EDNRA: variants seen among roughly 807,000 people sequenced by gnomAD.
EDNRA encodes endothelin receptor type A, also known as endothelin-1 receptor.
A neutral mutation model predicts 41.4 loss-of-function variants in EDNRA; 11 were observed. The observed-to-expected ratio is 0.27, with a 90% CI of 0.17 to 0.44. The LOEUF (loss-of-function observed/expected upper bound fraction) is 0.44, where lower values mean the gene tolerates loss of function less well. Among genes scored for constraint, EDNRA ranks in the 20% least tolerant of loss-of-function variants. The pLI, the probability that EDNRA is intolerant of heterozygous loss-of-function variation, is 1.00. For synonymous variants in EDNRA, 172 were observed against 183.0 expected (o/e 0.94, Z 0.49); for missense variants, 294 against 531.0 (o/e 0.55, Z 4.39).
At chr4:147,510,653 A>G (rs1016109332) in intron 2 of EDNRA, among the ~76,000 whole-genome samples, 5 of 152,204 alleles carry the variant, frequency 3.3e-5, no homozygotes, top group African/African-American at 4.8e-5. Context: ...CAAATTTACT[A>G]TACATTTTAG....
chr4:147,491,615 T>C (rs1166893287), intron 2 of EDNRA: 1 of 152,120 alleles, frequency 6.6e-6, no homozygotes, highest in African/African-American at 2.4e-5. Context: ...AAAGGGATTC[T>C]TCATTTATAG....
At chr4:147,499,403 T>C (rs559912977) in intron 2 of EDNRA, among the ~76,000 whole-genome samples, 2 of 152,310 alleles carry the variant, frequency 1.3e-5, no homozygotes, top group South Asian at 2.1e-4. Context: ...GAAGGGACCA[T>C]TTCATGGTAT....
At chr4:147,489,453 TA>T (rs1229898739) in intron 2 of EDNRA, 3 of 152,216 alleles carry the variant, frequency 2.0e-5, no homozygotes, top group Non-Finnish European at 4.4e-5. Context: ...AAGACTGTAA[TA>T]ATGTTACAAG....
At chr4:147,542,448 GC>G in intron 7 of EDNRA, 29 bp from the exon 8 acceptor site, 1 of 1,613,440 alleles carries the variant, frequency 6.2e-7, no homozygotes, top group Non-Finnish European at 8.5e-7. Flanking sequence ...TGGTAGGCTC[GC>G]CTTACTTCGA....
chr4:147,522,526 G>A (rs1202035663), intron 3 of EDNRA, among the ~76,000 whole-genome samples: 3 of 151,756 alleles, frequency 2.0e-5, no homozygotes, highest in Non-Finnish European at 4.4e-5. Context: ...GCTGGGGGAT[G>A]GAGTGAGACT....
At chr4:147,533,788 G>A (rs1164749678) in intron 4 of EDNRA, among the ~76,000 whole-genome samples, 1 of 152,128 alleles carries the variant, frequency 6.6e-6, no homozygotes, top group Non-Finnish European at 1.5e-5. Flanking sequence ...CTATAAGAAG[G>A]AGCTTACTAA....
At chr4:147,531,168 A>G (rs1172504454) in intron 3 of EDNRA, among the ~76,000 whole-genome samples, 2 of 152,240 alleles carry the variant, frequency 1.3e-5, no homozygotes, top group African/African-American at 4.8e-5. Context: ...TCTTATTATC[A>G]GACAGTTTTT....
chr4:147,488,743 A>G (rs1481803049), intron 2 of EDNRA: 2 of 152,214 alleles, frequency 1.3e-5, no homozygotes, highest in African/African-American at 2.4e-5. Context: ...GAGATCATAC[A>G]TGTTGCTATT....
rs1305097442 is a variant in EDNRA, at chr4:147,503,903, C to CAT, written c.421-15946_421-15945dup. ...AAAAATATTTATTAATTTTCATGAA[C>CAT]ATAACCCCATTAAATGTTAACATAA... On this transcript the variant is annotated intron_variant, in intron 2 of 7. Transcript: ENST00000651419. Among the ~76,000 whole-genome samples the CAT allele has an allele frequency of 3.9e-5, 6 of 151,942 alleles. No homozygotes were observed. The East Asian group carries it at 9.6e-4, about 24-fold the overall frequency.
intron 2 of EDNRA, among the ~76,000 whole-genome samples, chr4:147,497,363 T>C (rs1335041646): frequency 6.6e-6 from 1 of 151,940 alleles, no homozygotes; most frequent in East Asian, 1.9e-4. Context: ...TGGTCCATGA[T>C]AATTATTTGC....
At position 147,539,805 on chromosome 4, in the gene EDNRA, AC is replaced by A; in HGVS notation, c.901-11del. 3.7e-6 allele frequency: 6 copies of A among 1,600,048 alleles called. No homozygotes were observed. Among genetic ancestry groups the A allele is most frequent in the Non-Finnish European group, 4.2e-6 (5 of 1,176,616 alleles). Reference sequence around the variant, plus strand: ...AAATTTGTTGTCCTATTTTTTTCTCACTTTCCTTTAGCGTCGAGAAGTGGCA... The same window carrying A: ...AAATTTGTTGTCCTATTTTTTTCTCATTTCCTTTAGCGTCGAGAAGTGGCA... On this transcript the variant is annotated splice_polypyrimidine_tract_variant and intron_variant, in intron 5 of 7. Transcript: ENST00000651419.
chr4:147,507,866 CGTGGTGGTTTTAACTAGCA>C (rs889406158), intron 2 of EDNRA, among the ~76,000 whole-genome samples: 2 of 152,146 alleles, frequency 1.3e-5, no homozygotes, highest in Admixed American at 6.5e-5. Flanking sequence ...AGTGGTATCC[CGTGGTGGTTTTAACTAGCA>C]TTTCCTTAAT....
At chr4:147,518,535 T>G (rs777116015) in intron 2 of EDNRA, among the ~76,000 whole-genome samples, 4 of 152,186 alleles carry the variant, frequency 2.6e-5, no homozygotes, top group Non-Finnish European at 5.9e-5. Context: ...AATGAAGTTT[T>G]ATAGGGTCTT....
At chr4:147,540,089 C>T in intron 6 of EDNRA, 139 bp downstream of exon 6, 1 of 1,227,092 alleles carries the variant, frequency 8.1e-7, no homozygotes, top group East Asian at 2.5e-5. Flanking sequence ...CTTTAGCTGA[C>T]ATAGCCTATA....
rs1730265702 is a variant in EDNRA at position 147,520,091 on chromosome 4, T to A, written c.548+113T>A. 3.7e-6 allele frequency: 5 copies of A among 1,343,448 alleles called. No homozygotes were observed. In the Admixed American group the frequency reaches 1.1e-4, roughly 31 times the overall value. The allele number at this position is 1,343,448 out of a possible 1,614,324, so 83.2% of individuals were successfully genotyped here. On this transcript the variant is annotated intron_variant, in intron 3 of 7. Coordinates refer to ENST00000651419, the MANE Select transcript of EDNRA (RefSeq NM_001957.4). Reference sequence around the variant, plus strand: ...AGGACAGCTGTTGATTAGCTTCAAGTGAATTAAAGCATTAACCATCTTGCC... The same window carrying A: ...AGGACAGCTGTTGATTAGCTTCAAGAGAATTAAAGCATTAACCATCTTGCC...
intron 3 of EDNRA, 138 bp from the exon 4 acceptor site, chr4:147,532,368 C>G: frequency 3.6e-6 from 2 of 553,370 alleles, no homozygotes; most frequent in Non-Finnish European, 6.3e-6. Context: ...GGTTTTCATA[C>G]CAAGACTCAG....
chr4:147,499,481 A>G (rs1299679438), intron 2 of EDNRA, among the ~76,000 whole-genome samples: 1 of 152,214 alleles, frequency 6.6e-6, no homozygotes, highest in African/African-American at 2.4e-5. Flanking sequence ...TACAACAACC[A>G]AGATCTATTG....
intron 2 of EDNRA, among the ~76,000 whole-genome samples, chr4:147,518,668 T>C (rs1730203694): frequency 1.3e-5 from 2 of 152,100 alleles, no homozygotes; most frequent in South Asian, 4.1e-4. Flanking sequence ...GACCATGGAA[T>C]TAAACCTCAC....
At chr4:147,511,681 G>T (rs1487541293) in intron 2 of EDNRA, among the ~76,000 whole-genome samples, 2 of 152,180 alleles carry the variant, frequency 1.3e-5, no homozygotes, top group Non-Finnish European at 2.9e-5. Flanking sequence ...AAATCTGTAT[G>T]TGGGGATCTC....
Sources: allele counts gnomAD v4.1 joint callset (sites outside exome capture counted in the v4.1 genomes callset), GRCh38; gene constraint gnomAD v4.1.1; transcripts MANE v1.5; gene names NCBI Gene and HGNC (gene_info 2026-07-23, HGNC 2026-07-21).